The following KANK1 variants were observed in gnomAD, a reference collection of about 807,000 sequenced individuals.
KANK1 encodes KN motif and ankyrin repeat domains 1, also known as KN motif and ankyrin repeat domain-containing protein 1.
In KANK1, 109 loss-of-function variants were observed where a neutral mutation model predicts 106.2. The ratio of observed to expected loss-of-function variants is 1.03; its 90% CI spans 0.88 to 1.20. The LOEUF (loss-of-function observed/expected upper bound fraction) is 1.20, where lower values mean the gene tolerates loss of function less well. KANK1 is among the 50% of genes most tolerant of loss of function. The probability of loss-of-function intolerance (pLI) is 0.00; values close to 1 mark genes in which losing one functional copy is unlikely to be tolerated. For missense variants in KANK1, 2,399 were observed against 1,710.7 expected, an observed-to-expected ratio of 1.40 and a Z score of -7.10; for synonymous variants, 873 against 652.2, an observed-to-expected ratio of 1.34 and a Z score of -5.16.
At chr9:532,757 T>G (rs989422312) in intron 1 of KANK1, among the ~76,000 whole-genome samples, 60 of 152,136 alleles carry the variant, frequency 3.9e-4, no homozygotes, top group African/African-American at 1.4e-3. Context: ...TGCGTAAAAC[T>G]GCTTCAGTTT....
At chr9:652,843 C>T (rs73386833) in intron 1 of KANK1, among the ~76,000 whole-genome samples, 436 of 152,144 alleles carry the variant, frequency 2.9e-3, no homozygotes, top group African/African-American at 9.8e-3. Flanking sequence ...ATATTTAGTA[C>T]TAGTACATGG....
chr9:695,612 G>C (rs538985568), intron 2 of KANK1, among the ~76,000 whole-genome samples: 8 of 149,158 alleles, frequency 5.4e-5, no homozygotes, highest in East Asian at 2.1e-4. Context: ...ACTTCGTGGG[G>C]GGGGGGGCAA....
At chr9:546,624 G>C (rs1313261122) in intron 1 of KANK1, among the ~76,000 whole-genome samples, 3 of 151,958 alleles carry the variant, frequency 2.0e-5, no homozygotes, top group African/African-American at 7.2e-5. Context: ...GTTTTCATTT[G>C]TTTATTCTTA....
chr9:513,541 C>G (rs978087794), intron 1 of KANK1, among the ~76,000 whole-genome samples: 4 of 152,144 alleles, frequency 2.6e-5, no homozygotes, highest in Non-Finnish European at 4.4e-5. Context: ...ATATAAGAAC[C>G]TCTAGTCTTG....
chr9:741,783 GC>G (rs987559322), intron 9 of KANK1, among the ~76,000 whole-genome samples: 1 of 151,924 alleles, frequency 6.6e-6, no homozygotes, highest in Non-Finnish European at 1.5e-5. Flanking sequence ...TACTGCGCCA[GC>G]CCCTGGCTTT....
chr9:606,540 C>G (rs914427337), intron 1 of KANK1, among the ~76,000 whole-genome samples: 3 of 139,506 alleles, frequency 2.2e-5, no homozygotes, highest in South Asian at 4.2e-4. Flanking sequence ...TGGGCAACAA[C>G]AGCAAAACTC....
Position 711,240 on chromosome 9 carries a change from G to A in KANK1, c.474G>A (p.Leu158=). ...ATAACCTTCATGTCACCAAGACACTGATGGAGACCCGGAGAAGACTGGAAC... is the reference window on the plus strand; with the variant it reads ...ATAACCTTCATGTCACCAAGACACTAATGGAGACCCGGAGAAGACTGGAAC... ...PKHNLHVTKT[L]METRRRLEQE... The change falls in exon 3 of 12, where the codon CTG becomes CTA. Residue 158 remains leucine (L), a synonymous_variant. Transcript: ENST00000382297. 1.9e-6 allele frequency: 3 copies of A among 1,614,146 alleles called. No individual in the cohort carries two copies. Among genetic ancestry groups the A allele is most frequent in the Non-Finnish European group, 2.5e-6 (3 of 1,180,024 alleles).
chr9:675,086 CCA>C (rs1362446744), intron 1 of KANK1, among the ~76,000 whole-genome samples: 1 of 152,090 alleles, frequency 6.6e-6, no homozygotes, highest in Non-Finnish European at 1.5e-5. Flanking sequence ...CCAGAGGCAA[CCA>C]CCACAGTGAA....
chr9:645,036 AT>A (rs1563918238), intron 1 of KANK1, among the ~76,000 whole-genome samples: 1 of 140,626 alleles, frequency 7.1e-6, no homozygotes, highest in Admixed American at 7.7e-5. Context: ...AGGCAGGAGA[AT>A]TGTTTGAACC....
At chr9:473,015 A>T (rs1258354308) in intron 2 of KANK1, among the ~76,000 whole-genome samples, 2 of 152,240 alleles carry the variant, frequency 1.3e-5, no homozygotes, top group Non-Finnish European at 2.9e-5. Flanking sequence ...ACAAACGGGT[A>T]TAGTCATGGG....
chr9:473,694 GAAC>G (rs1564106431), intron 3 of KANK1, among the ~76,000 whole-genome samples: 1 of 151,832 alleles, frequency 6.6e-6, no homozygotes, highest in South Asian at 2.1e-4. Context: ...CACCCAGAAA[GAAC>G]AAGAATTTTT....
chr9:470,320 G>T (rs1022843470), exon 1 of KANK1: 7 of 152,142 alleles, frequency 4.6e-5, no homozygotes, highest in Non-Finnish European at 8.8e-5. Flanking sequence ...CGTCCGAAGC[G>T]GGCGTGCTCC....
chr9:592,465 T>C (rs1405455233), intron 1 of KANK1, among the ~76,000 whole-genome samples: 1 of 140,486 alleles, frequency 7.1e-6, no homozygotes, highest in Non-Finnish European at 1.5e-5. Flanking sequence ...TGACTCTTTC[T>C]TTCTGTGAGC....
At chr9:606,620 A>T (rs7875274) in intron 1 of KANK1, among the ~76,000 whole-genome samples, 106,770 of 142,762 alleles carry the variant, frequency 0.75, 40,984 homozygotes, top group Non-Finnish European at 0.8. Flanking sequence ...GTGTGTATAT[A>T]TTTATATATT....
chr9:581,607 CA>C (rs1822178868), intron 1 of KANK1, among the ~76,000 whole-genome samples: 1 of 152,176 alleles, frequency 6.6e-6, no homozygotes, highest in African/African-American at 2.4e-5. Context: ...GAGAATATTG[CA>C]GTTTGCTAAA....
chr9:596,903 C>G (rs775439793), intron 1 of KANK1, among the ~76,000 whole-genome samples: 2 of 151,654 alleles, frequency 1.3e-5, no homozygotes, highest in Non-Finnish European at 2.9e-5. Flanking sequence ...ACACACTATT[C>G]TCTCCTCTCT....
chr9:740,698 G>A (rs1477197603), intron 8 of KANK1, 94 bp from the exon 9 acceptor site: 6 of 1,327,720 alleles, frequency 4.5e-6, no homozygotes, highest in African/African-American at 3.0e-5. Context: ...ATTTCACTGG[G>A]CTCCTGTAAA....
chr9:558,320 T>C (rs912450350), intron 1 of KANK1, among the ~76,000 whole-genome samples: 4 of 152,248 alleles, frequency 2.6e-5, no homozygotes, highest in African/African-American at 7.2e-5. Flanking sequence ...GTGGCAGTTA[T>C]GTTCTATAAA....
At chr9:744,402 T>G in intron 10 of KANK1, 89 bp from the exon 11 acceptor site, 4 of 1,427,368 alleles carry the variant, frequency 2.8e-6, no homozygotes, top group Non-Finnish European at 2.9e-6. Flanking sequence ...ACCTTGCCAA[T>G]TATTGGAGGG....
Sources: gnomAD v4.1 joint callset for allele counts (sites outside exome capture counted in the v4.1 genomes callset) on GRCh38, gnomAD v4.1.1 for gene constraint, MANE v1.5 for transcripts, NCBI Gene and HGNC (gene_info 2026-07-23, HGNC 2026-07-21) for gene names.